The following EPHA1 variants were observed in gnomAD, a reference collection of about 807,000 sequenced individuals.
EPHA1 encodes EPH receptor A1, also known as ephrin type-A receptor 1.
EPHA1 carries 92 observed loss-of-function variants against 110.1 expected under a neutral mutation model. The ratio of observed to expected loss-of-function variants is 0.84; its 90% confidence interval spans 0.71 to 0.99. The LOEUF is 0.99. Ranked by LOEUF, EPHA1 falls within the 50% of genes least tolerant of loss-of-function variation. The pLI is 0.00. For synonymous variants in EPHA1, 500 were observed against 516.1 expected, an observed-to-expected ratio of 0.97 and a Z score of 0.42; for missense variants, 1,204 against 1,285.4, an observed-to-expected ratio of 0.94 and a Z score of 0.97.
intron 2 of EPHA1, among the ~76,000 whole-genome samples, chr7:143,402,502 C>A (rs544574823): frequency 1.3e-5 from 2 of 152,358 alleles, no homozygotes; most frequent in South Asian, 4.1e-4. Flanking sequence ...AAGCGATTCT[C>A]CCACTTCAGC....
Position 143,398,783 on chromosome 7 carries a change from G to A in EPHA1, c.1154C>T (p.Pro385Leu). 1 of 1,613,778 alleles carries A rather than the reference G, an allele frequency of 6.2e-7. No individual in the cohort carries two copies. Among genetic ancestry groups the A allele is most frequent in the East Asian group, 2.2e-5 (1 of 44,862 alleles). ...CGAGAAGTGCACGCCCACCCCACAG[G>A]GCTGGCAGGGCCCCCCGTCCTGTGC... The part of the protein sequence containing the change: ...GTAQDGGPCQ[P>L]CGVGVHFSPG... The change falls in exon 6 of 18, where the codon CCC (proline) becomes CTC (leucine). Residue 385 changes from proline (P) to leucine (L), a missense_variant. Physicochemically the swap from Pro to Leu is moderately conservative, Grantham distance 98. Coordinates refer to ENST00000275815, the MANE Select transcript of EPHA1 (RefSeq NM_005232.5).
At position 143,393,435 on chromosome 7, in the gene EPHA1, C is replaced by A. The variant is rs1226523654; in HGVS notation, c.2696+236G>T. 6.6e-6 allele frequency among the ~76,000 whole-genome samples: 1 copy of A among 152,148 alleles called. No individual in the cohort carries two copies. The highest frequency in any genetic ancestry group is 2.4e-5 in the African/African-American group (1 of 41,430). Reference sequence around the variant, plus strand: ...CTGAGAAGAGAAAAGATGGGCCCCCCACCCCCAAGCCCAGGTGAAGTGAGG... The same window carrying A: ...CTGAGAAGAGAAAAGATGGGCCCCCAACCCCCAAGCCCAGGTGAAGTGAGG... On this transcript the variant is annotated intron_variant, in intron 16 of 17. Coordinates refer to ENST00000275815, the MANE Select transcript of EPHA1 (RefSeq NM_005232.5). The surrounding 1 kb of genome is among the most constrained non-coding windows in gnomAD (Gnocchi z 5.6).
Position 143,393,734 on chromosome 7 carries a change from G to C in EPHA1, c.2633C>G (p.Ala878Gly). 8 of 1,613,944 alleles carry C rather than the reference G, an allele frequency of 5.0e-6. No individual in the cohort carries two copies. The highest frequency in any genetic ancestry group is 6.8e-6 in the Non-Finnish European group (8 of 1,179,952). Residue 878 changes from alanine to glycine, a missense_variant, in exon 16 of 18, where the codon GCA (alanine) becomes GGA (glycine). Transcript: ENST00000275815. This position sits in a 1 kb window ranked among gnomAD's most constrained non-coding sequence, Gnocchi z 5.6. ...ARRPHFQKLQ[A>G]HLEQLLANPH... ...GTTGGCAAGCAGTTGCTCCAGATGT[G>C]CCTGAAGCTTCTGGAAGTGTGGCCG...
At position 143,401,506 on chromosome 7, in the gene EPHA1, T is replaced by G; in HGVS notation, c.250A>C (p.Asn84His). The G allele has an allele frequency of 6.2e-7, 1 of 1,614,112 alleles. No individual in the cohort carries two copies. The highest frequency in any genetic ancestry group is 1.7e-5 in the Admixed American group (1 of 60,026). ...RRDTDHWLRSNWIYRGEEASR... is the reference protein window; with the variant it reads ...RRDTDHWLRSHWIYRGEEASR... ...GCCTCCTCCCCGCGGTAGATCCAAT[T>G]GGAGCGAAGCCAGTGGTCAGTGTCT... Residue 84 changes from asparagine (N) to histidine (H), a missense_variant, in exon 3 of 18, where the codon AAT (asparagine) becomes CAT (histidine). Physicochemically the swap from Asn to His is moderately conservative, Grantham distance 68. Transcript: ENST00000275815. The surrounding 1 kb of genome is among the most constrained non-coding windows in gnomAD (Gnocchi z 4.1).
At chr7:143,394,145 T>C (rs1586578092) in intron 15 of EPHA1, 49 bp downstream of exon 15, 5 of 1,571,684 alleles carry the variant, frequency 3.2e-6, no homozygotes, top group African/African-American at 1.4e-5. Flanking sequence ...TGGGAGGAAA[T>C]AAGAGGTGTG....
intron 2 of EPHA1, among the ~76,000 whole-genome samples, chr7:143,403,303 G>A (rs975311423): frequency 1.3e-5 from 2 of 152,304 alleles, no homozygotes; most frequent in East Asian, 1.9e-4. Context: ...CCCAGGAGGC[G>A]GAGGTTGCAG....
rs769337411 is a variant in EPHA1 at position 143,397,581 on chromosome 7, CCCAAGCAGCAAGGCTGCA to C, written c.1674_1691del (p.Ala559_Gly564del). The C allele has an allele frequency of 3.1e-5, 50 of 1,613,994 alleles. No homozygotes were observed. Among genetic ancestry groups the C allele is most frequent in the Non-Finnish European group, 3.8e-5 (45 of 1,180,018 alleles). The stretch of plus-strand genomic sequence containing the variant: ...GGCACCTGGACCGGAAAACGAGAAT[CCCAAGCAGCAAGGCTGCA>C]CCAAGCAGCAGCCCAAAGATGACGG... On this transcript the variant is annotated inframe_deletion, in exon 9 of 18. Coordinates refer to ENST00000275815, the MANE Select transcript of EPHA1 (RefSeq NM_005232.5).
chr7:143,396,756 G>T, intron 10 of EPHA1: 1 of 440,306 alleles, frequency 2.3e-6, no homozygotes, highest in Non-Finnish European at 4.2e-6. Flanking sequence ...ATCCACACCC[G>T]CAGAGCATAT....
rs754041945 is a variant in EPHA1, at chr7:143,394,879, G to A, written c.2281C>T (p.Leu761=). The change falls in exon 14 of 18, where the codon CTG becomes TTG. Residue 761 remains leucine, a synonymous_variant. Coordinates refer to ENST00000275815, the MANE Select transcript of EPHA1 (RefSeq NM_005232.5). ...AARNILVNQN[L]CCKVSDFGLT... is the part of the protein sequence containing the mutation. The stretch of plus-strand genomic sequence containing the variant: ...CCAAAGTCAGACACCTTGCAGCACA[G>A]GTTTTGATTCACCAAGATGTTTCTG... The A allele has an allele frequency of 3.1e-6, 5 of 1,614,018 alleles. No individual in the cohort carries two copies. The highest frequency in any genetic ancestry group is 2.7e-5 in the African/African-American group (2 of 74,908).
intron 1 of EPHA1, 103 bp from the exon 2 acceptor site, chr7:143,407,781 G>C: frequency 6.8e-6 from 7 of 1,035,842 alleles, no homozygotes; most frequent in African/African-American, 1.6e-5. Flanking sequence ...GCAACATCCT[G>C]TTCCTAAAAG....
chr7:143,407,626 A>C lies in EPHA1; in HGVS notation c.135T>G (p.Asp45Glu). ...CGACACTTACCCCATCTTTTGGGGG[A>C]TCCAGCAGCCAGCCCAGCTCTCCCT... ...KAQGELGWLL[D>E]PPKDGWSEQQ... Residue 45 changes from aspartate (D) to glutamate (E), a missense_variant, in exon 2 of 18, where the codon GAT (aspartate) becomes GAG (glutamate). Physicochemically the swap from Asp to Glu is conservative, Grantham distance 45. Transcript: ENST00000275815. The C allele has an allele frequency of 6.2e-7, 1 of 1,613,068 alleles. No individual in the cohort carries two copies. The highest frequency in any genetic ancestry group is 8.5e-7 in the Non-Finnish European group (1 of 1,179,550).
chr7:143,391,216 T>C lies in EPHA1; in HGVS notation c.*241A>G. On this transcript the variant is annotated 3_prime_UTR_variant, in exon 18 of 18. Coordinates refer to ENST00000275815, the MANE Select transcript of EPHA1 (RefSeq NM_005232.5). ...ACAAAAATATATATATGTGTATGTA[T>C]GTATATATATTAACCCCTCAGCTCC... The C allele has an allele frequency of 1.8e-6, 1 of 553,546 alleles. No individual in the cohort carries two copies. Among genetic ancestry groups the C allele is most frequent in the Non-Finnish European group, 3.2e-6 (1 of 309,202 alleles). The allele number at this position is 553,546 out of a possible 1,614,324, so 34.3% of individuals were successfully genotyped here.
Position 143,398,628 on chromosome 7 carries a change from A to T in EPHA1, c.1309T>A (p.Ser437Thr). The T allele has an allele frequency of 6.2e-7, 1 of 1,613,976 alleles. No individual in the cohort carries two copies. The highest frequency in any genetic ancestry group is 8.5e-7 in the Non-Finnish European group (1 of 1,179,924). ...GCATGCCCCATGCTGATGCTGACTG[A>T]GGTGCTGGCATGGCCAGAGCTGCCC... Reference protein sequence around the residue: ...GLGSSGHASTSVSISMGHAES... With the variant: ...GLGSSGHASTTVSISMGHAES... Residue 437 changes from serine (S) to threonine (T), a missense_variant, in exon 6 of 18, where the codon TCA becomes ACA. Ser to Thr is a moderately conservative substitution (Grantham distance 58). Transcript: ENST00000275815.
At chr7:143,397,066 T>G (rs532027611) in intron 10 of EPHA1, among the ~76,000 whole-genome samples, 2 of 152,098 alleles carry the variant, frequency 1.3e-5, no homozygotes, top group Admixed American at 6.5e-5. Context: ...GAACGGACAC[T>G]AACAGATAAT....
At chr7:143,397,447 C>T (rs1447009014) in intron 9 of EPHA1, 85 bp from the exon 10 acceptor site, 26 of 1,579,712 alleles carry the variant, frequency 1.6e-5, no homozygotes, top group Admixed American at 3.6e-5. Flanking sequence ...TCCCCAGAAA[C>T]GGGCTGGGAG....
At position 143,391,904 on chromosome 7, in the gene EPHA1, AC is replaced by A. The variant is rs1381330180; in HGVS notation, c.2697-130del. The stretch of plus-strand genomic sequence containing the variant: ...CAGAGATCATCTAGACTGTGGATTG[AC>A]CCCACCATTATCTCTGAGCCCACTT... On this transcript the variant is annotated intron_variant, in intron 16 of 17. Transcript: ENST00000275815. 11 of 1,471,442 alleles carry A rather than the reference AC, an allele frequency of 7.5e-6. No individual in the cohort carries two copies. The African/African-American group carries it at 1.5e-4, about 21-fold the overall frequency. 91.1% of individuals were successfully genotyped at this position (1,471,442 alleles called of 1,614,324 possible).
chr7:143,394,358 G>C lies in EPHA1; in HGVS notation c.2353-15C>G. ...ATCTTTCCTCCCTAAGAAGGCACAT[G>C]GGTCAGGGACGGAAAGTTATGGTGT... On this transcript the variant is annotated splice_polypyrimidine_tract_variant and intron_variant, in intron 14 of 17. Coordinates refer to ENST00000275815, the MANE Select transcript of EPHA1 (RefSeq NM_005232.5). The C allele has an allele frequency of 6.2e-7, 1 of 1,611,838 alleles. No homozygotes were observed. The highest frequency in any genetic ancestry group is 2.2e-5 in the East Asian group (1 of 44,826).
In EPHA1 at chr7:143,393,849, C is replaced by T. The variant is rs1390900021; in HGVS notation, c.2518G>A (p.Glu840Lys). ...GGAGGGGGCAACCGGTACCCATCCT[C>T]AATGCTCTTCATAACCTGCACGGCG... ...MSNQEVMKSI[E>K]DGYRLPPPVD... Residue 840 changes from glutamate to lysine, a missense_variant, in exon 16 of 18, where the codon GAG (glutamate) becomes AAG (lysine). Transcript: ENST00000275815. The surrounding 1 kb of genome is among the most constrained non-coding windows in gnomAD (Gnocchi z 5.6). 3.8e-6 allele frequency: 6 copies of T among 1,567,536 alleles called. No homozygotes were observed. The highest frequency in any genetic ancestry group is 1.7e-4 in the Middle Eastern group (1 of 5,824).
chr7:143,408,305 A>G (rs1049983977), intron 1 of EPHA1, among the ~76,000 whole-genome samples: 2 of 152,150 alleles, frequency 1.3e-5, no homozygotes, highest in Admixed American at 6.5e-5. Flanking sequence ...CTTCTCCCGG[A>G]GGCAGCTCCC....
Sources: gnomAD v4.1 joint callset for allele counts (sites outside exome capture counted in the v4.1 genomes callset) on GRCh38, gnomAD v4.1.1 for gene constraint, Gnocchi (gnomAD v3.1) non-coding constraint, MANE v1.5 for transcripts, NCBI Gene and HGNC (gene_info 2026-07-23, HGNC 2026-07-21) for gene names.